COL8A1: variants seen among roughly 807,000 people sequenced by gnomAD.
COL8A1 encodes the protein collagen type VIII alpha 1 chain.
In COL8A1, 21 loss-of-function variants were observed where a neutral mutation model predicts 42.7. The observed-to-expected ratio is 0.49, with a 90% CI of 0.35 to 0.71. The LOEUF (loss-of-function observed/expected upper bound fraction) is 0.71. COL8A1 is among the 30% of genes least tolerant of loss of function. The pLI is 0.01. For synonymous variants in COL8A1, 367 were observed against 369.1 expected (o/e 0.99, Z 0.06); for missense variants, 788 against 962.4 (o/e 0.82, Z 2.40).
At chr3:99,731,312 G>A (rs1049031528) in intron 1 of COL8A1, among the ~76,000 whole-genome samples, 20 of 152,084 alleles carry the variant, frequency 1.3e-4, no homozygotes, top group African/African-American at 4.3e-4. Flanking sequence ...ATGGTGAAGC[G>A]TCCAGACAGC....
At chr3:99,710,154 G>A (rs1711554) in intron 1 of COL8A1, among the ~76,000 whole-genome samples, 69,446 of 152,002 alleles carry the variant, frequency 0.46, 16,255 homozygotes, top group East Asian at 0.63. Flanking sequence ...AAAATTCTGA[G>A]TTATATGTTA....
intron 2 of COL8A1, among the ~76,000 whole-genome samples, chr3:99,755,375 A>G (rs1941234535): frequency 6.6e-6 from 1 of 152,070 alleles, no homozygotes; most frequent in South Asian, 2.1e-4. Flanking sequence ...GATAGTAAAC[A>G]CTCCATTAAT....
chr3:99,784,823 A>G (rs1256941985), intron 2 of COL8A1, among the ~76,000 whole-genome samples: 2 of 152,200 alleles, frequency 1.3e-5, no homozygotes, highest in Non-Finnish European at 2.9e-5. Context: ...TAAATAAAAA[A>G]CAATGTTGAG....
intron 1 of COL8A1, among the ~76,000 whole-genome samples, chr3:99,662,075 A>G (rs1938221477): frequency 6.6e-6 from 1 of 152,178 alleles, no homozygotes; most frequent in African/African-American, 2.4e-5. Context: ...ATTGAACTGT[A>G]CACTTAAAAA....
At chr3:99,739,375 G>C (rs1367590846) in intron 1 of COL8A1, among the ~76,000 whole-genome samples, 1 of 152,168 alleles carries the variant, frequency 6.6e-6, no homozygotes, top group African/African-American at 2.4e-5. Flanking sequence ...AGCTCCACCA[G>C]GCAGTGCCCT....
chr3:99,638,703 G>C (rs1382163485), intron 1 of COL8A1, 39 bp downstream of exon 1: 1 of 152,228 alleles, frequency 6.6e-6, no homozygotes, highest in Non-Finnish European at 1.5e-5. Flanking sequence ...CCTACCAGGG[G>C]TTGCTATGGG....
intron 1 of COL8A1, among the ~76,000 whole-genome samples, chr3:99,713,873 C>A (rs1356850659): frequency 6.6e-6 from 1 of 152,050 alleles, no homozygotes; most frequent in African/African-American, 2.4e-5. Context: ...CCAGGCTGGC[C>A]ACTGGAGGAT....
intron 2 of COL8A1, among the ~76,000 whole-genome samples, chr3:99,769,262 T>C (rs1435739817): frequency 6.6e-6 from 1 of 152,212 alleles, no homozygotes; most frequent in East Asian, 1.9e-4. Flanking sequence ...ATCTAATAAA[T>C]GTCAGTCCTT....
intron 1 of COL8A1, among the ~76,000 whole-genome samples, chr3:99,671,664 TG>T (rs1938549752): frequency 6.6e-6 from 1 of 152,110 alleles, no homozygotes; most frequent in East Asian, 1.9e-4. Flanking sequence ...TTATACTCCA[TG>T]TAACAAGTGT....
intron 1 of COL8A1, chr3:99,691,947 T>A (rs934111500): frequency 3.9e-5 from 6 of 152,180 alleles, no homozygotes; most frequent in African/African-American, 1.4e-4. Flanking sequence ...GCTTTCTTCT[T>A]GCAGAAAAGC....
intron 1 of COL8A1, among the ~76,000 whole-genome samples, chr3:99,663,220 C>T (rs780192813): frequency 1.3e-5 from 2 of 152,114 alleles, no homozygotes; most frequent in Admixed American, 6.5e-5. Flanking sequence ...GGCTAAAGTG[C>T]AGTGGTGCAA....
rs1942079198 is a variant in COL8A1 at position 99,795,172 on chromosome 3, C to T, written c.1271C>T (p.Pro424Leu). 2 of 1,613,754 alleles carry T rather than the reference C, an allele frequency of 1.2e-6. No individual in the cohort carries two copies. The highest frequency in any genetic ancestry group is 1.7e-6 in the Non-Finnish European group (2 of 1,179,834). The change falls in exon 4 of 4, where the codon CCA becomes CTA. Residue 424 changes from proline (P) to leucine (L), a missense_variant. Coordinates refer to ENST00000652472, the MANE Select transcript of COL8A1 (RefSeq NM_020351.4). Reference protein sequence around the residue: ...GEGGIVGPQGPPGPKGEPGLQ... With the variant: ...GEGGIVGPQGLPGPKGEPGLQ... Reference sequence around the variant, plus strand: ...GGTGGGATTGTAGGGCCACAGGGGCCACCAGGTCCCAAGGGTGAGCCAGGG... The same window carrying T: ...GGTGGGATTGTAGGGCCACAGGGGCTACCAGGTCCCAAGGGTGAGCCAGGG...
At position 99,796,027 on chromosome 3, in the gene COL8A1, G is replaced by A; in HGVS notation, c.2126G>A (p.Arg709Lys). 1 of 1,613,672 alleles carries A rather than the reference G, an allele frequency of 6.2e-7. No individual in the cohort carries two copies. Among genetic ancestry groups the A allele is most frequent in the Non-Finnish European group, 8.5e-7 (1 of 1,179,766 alleles). ...TCTGGGAGTGCAGTGCTGCTGCTCA[G>A]GCCCGGAGACCGGGTGTTCCTCCAG... ...QASGSAVLLL[R>K]PGDRVFLQMP... The change falls in exon 4 of 4, where the codon AGG (arginine) becomes AAG (lysine). Residue 709 changes from arginine (R) to lysine (K), a missense_variant. Physicochemically the swap from Arg to Lys is conservative, Grantham distance 26 (BLOSUM62 2). This residue lies in a region of COL8A1 where 212 missense variants were observed against 210.9 expected (regional missense o/e 1.00). Transcript: ENST00000652472.
intron 1 of COL8A1, among the ~76,000 whole-genome samples, chr3:99,693,552 G>A (rs1939283564): frequency 6.6e-6 from 1 of 152,094 alleles, no homozygotes; most frequent in Non-Finnish European, 1.5e-5. Flanking sequence ...AGTCTAAAAA[G>A]TAAAAAGATA....
At chr3:99,767,848 A>G (rs1941494038) in intron 2 of COL8A1, among the ~76,000 whole-genome samples, 3 of 152,208 alleles carry the variant, frequency 2.0e-5, no homozygotes, top group African/African-American at 7.2e-5. Flanking sequence ...ATGATAATAA[A>G]GTCATATTTT....
intron 1 of COL8A1, among the ~76,000 whole-genome samples, chr3:99,688,912 G>A (rs778386834): frequency 2.7e-4 from 41 of 151,958 alleles, no homozygotes; most frequent in Non-Finnish European, 4.4e-4. Context: ...AAACATCCCT[G>A]GACTTTTACT....
chr3:99,670,679 A>G (rs1938515866), intron 1 of COL8A1, among the ~76,000 whole-genome samples: 1 of 151,896 alleles, frequency 6.6e-6, no homozygotes, highest in Non-Finnish European at 1.5e-5. Flanking sequence ...TTGTTATTGA[A>G]AATAGTCACC....
intron 1 of COL8A1, among the ~76,000 whole-genome samples, chr3:99,683,131 TGTA>T (rs971854542): frequency 5.3e-5 from 8 of 152,212 alleles, no homozygotes; most frequent in Non-Finnish European, 7.3e-5. Context: ...GGTTTGGAGT[TGTA>T]GAATTCTCAT....
In COL8A1 at chr3:99,794,588, A is replaced by C; in HGVS notation, c.687A>C (p.Gly229=). 1 of 1,613,560 alleles carries C rather than the reference A, an allele frequency of 6.2e-7. No homozygotes were observed. Among genetic ancestry groups the C allele is most frequent in the Non-Finnish European group, 8.5e-7 (1 of 1,179,740 alleles). ...CAAAGGGTGATCGAGGACCCAAAGGACTACCAGGACCTCAAGGCCTTCGGG... is the reference window on the plus strand; with the variant it reads ...CAAAGGGTGATCGAGGACCCAAAGGCCTACCAGGACCTCAAGGCCTTCGGG... ...PGPKGDRGPK[G]LPGPQGLRGP... is the part of the protein sequence containing the mutation. The change falls in exon 4 of 4, where the codon GGA becomes GGC. Residue 229 remains glycine (G), a synonymous_variant. Transcript: ENST00000652472. The surrounding 1 kb of genome is among the most constrained non-coding windows in gnomAD (Gnocchi z 4.3).
Sources: gnomAD v4.1 joint callset for allele counts (sites outside exome capture counted in the v4.1 genomes callset) on GRCh38, gnomAD v4.1.1 for gene constraint, gnomAD v4.1.1 regional missense constraint, Gnocchi (gnomAD v3.1) non-coding constraint, MANE v1.5 for transcripts, NCBI Gene and HGNC (gene_info 2026-07-23, HGNC 2026-07-21) for gene names.